Variants in GTF2E1 observed in about 807,000 individuals in gnomAD.
GTF2E1 encodes the protein TFIIE alpha subunit.
GTF2E1 carries 14 observed loss-of-function variants against 34.9 expected under a neutral mutation model. That is an observed-to-expected ratio of 0.40 (90% confidence interval 0.27 to 0.63). The LOEUF is 0.63. GTF2E1 is among the 20% of genes least tolerant of loss of function. The pLI is 0.39. For missense variants in GTF2E1, 469 were observed against 557.7 expected (o/e 0.84, Z 1.60); for synonymous variants, 188 against 192.9 (o/e 0.97, Z 0.21).
At position 120,754,318 on chromosome 3, in the gene GTF2E1, CA is replaced by C. The variant is rs1413254419; in HGVS notation, c.448+3319del. Among the ~76,000 whole-genome samples, 7 of 152,208 alleles carry C rather than the reference CA, an allele frequency of 4.6e-5. No homozygotes were observed. In the South Asian group the frequency reaches 1.4e-3, roughly 32 times the overall value. On this transcript the variant is annotated intron_variant, in intron 2 of 4. Coordinates refer to ENST00000283875, the MANE Select transcript of GTF2E1 (RefSeq NM_005513.3). ...GAGACAAATTTGAAGAGAAAAAAAT[CA>C]CCCACAAAGCCACCAGCCTTTTACG... is the stretch of plus-strand genomic sequence containing the variant.
intron 4 of GTF2E1, 37 bp downstream of exon 4, chr3:120,776,701 G>A: frequency 6.3e-7 from 1 of 1,578,800 alleles, no homozygotes; most frequent in Non-Finnish European, 8.6e-7. Flanking sequence ...TGTGTCTTAG[G>A]TTCTGTAGAA....
intron 3 of GTF2E1, 150 bp downstream of exon 3, chr3:120,771,079 G>T (rs2877413): frequency 0.29 from 201,927 of 692,266 alleles, 31,932 homozygotes; most frequent in Non-Finnish European, 0.33. Flanking sequence ...ACATTTGTCT[G>T]ATTAACGTGT....
chr3:120,748,604 G>A (rs931554152), intron 1 of GTF2E1, among the ~76,000 whole-genome samples: 2 of 152,098 alleles, frequency 1.3e-5, no homozygotes, highest in Non-Finnish European at 2.9e-5. Flanking sequence ...TGTTCCATTG[G>A]TCTATATCTC....
At position 120,750,631 on chromosome 3, in the gene GTF2E1, G is replaced by T; in HGVS notation, c.79G>T (p.Gly27Cys). ...LAKYVIRGFY[G>C]IEHALALDIL... ...CAAGTATGTGATCCGGGGATTTTAT[G>T]GCATTGAGCATGCCTTGGCCTTGGA... is the stretch of plus-strand genomic sequence containing the variant. Residue 27 changes from glycine (G) to cysteine (C), a missense_variant, in exon 2 of 5, where the codon GGC (glycine) becomes TGC (cysteine). Transcript: ENST00000283875. 4 of 1,613,976 alleles carry T rather than the reference G, an allele frequency of 2.5e-6. No homozygotes were observed. Among genetic ancestry groups the T allele is most frequent in the Non-Finnish European group, 3.4e-6 (4 of 1,179,930 alleles).
rs1406274293 is a variant in GTF2E1 at position 120,756,988 on chromosome 3, G to T, written c.448+5988G>T. ...ATCTTTTTTGTATTTTGATGCCAGT[G>T]ACATAAAAGCTAATTTATTTGCTTA... On this transcript the variant is annotated intron_variant, in intron 2 of 4. Transcript: ENST00000283875. Among the ~76,000 whole-genome samples, 5 of 152,068 alleles carry T rather than the reference G, an allele frequency of 3.3e-5. No individual in the cohort carries two copies. In the South Asian group the frequency reaches 6.2e-4, roughly 19 times the overall value.
chr3:120,779,886 C>A (rs555203101), intron 4 of GTF2E1, among the ~76,000 whole-genome samples: 18 of 152,264 alleles, frequency 1.2e-4, no homozygotes, highest in Admixed American at 1.0e-3. Flanking sequence ...AGGTTCCAAA[C>A]AATACTTTTA....
chr3:120,754,817 G>A (rs1370209575), intron 2 of GTF2E1, among the ~76,000 whole-genome samples: 1 of 151,972 alleles, frequency 6.6e-6, no homozygotes, highest in African/African-American at 2.4e-5. Context: ...TCTTATAAAT[G>A]TATATTTAAT....
chr3:120,761,716 T>C (rs959592749), intron 2 of GTF2E1, among the ~76,000 whole-genome samples: 16 of 152,264 alleles, frequency 1.1e-4, no homozygotes, highest in Non-Finnish European at 1.8e-4. Context: ...TCAGTTTCCA[T>C]GTAGTTGTGC....
chr3:120,751,539 A>G (rs1399664065), intron 2 of GTF2E1, among the ~76,000 whole-genome samples: 1 of 152,188 alleles, frequency 6.6e-6, no homozygotes, highest in Non-Finnish European at 1.5e-5. Flanking sequence ...TTAGATACAC[A>G]TTATTGTTGG....
At chr3:120,761,956 A>G (rs1317912671) in intron 2 of GTF2E1, among the ~76,000 whole-genome samples, 2 of 151,830 alleles carry the variant, frequency 1.3e-5, no homozygotes, top group African/African-American at 4.8e-5. Flanking sequence ...ACGCCCGGCT[A>G]ATTTTTTGTA....
Position 120,742,777 on chromosome 3 carries a change from G to A in GTF2E1, c.-48G>A. On this transcript the variant is annotated 5_prime_UTR_variant, in exon 1 of 5. Transcript: ENST00000283875. ...CGCTGGGGGCAGCTGTAGTGGGAGT[G>A]TTCCAGGATTCGCCTTGGTAAACCT... The A allele has an allele frequency of 3.9e-6, 2 of 516,316 alleles. No individual in the cohort carries two copies. Among genetic ancestry groups the A allele is most frequent in the East Asian group, 3.5e-5 (1 of 28,396 alleles). The allele number at this position is 516,316 out of a possible 1,614,324, so 32.0% of individuals were successfully genotyped here.
rs376614280 is a variant in GTF2E1 at position 120,767,018 on chromosome 3, A to AT, written c.449-3704dup. ...ATGTCAAATTTCTTACTTTTCTTGC[A>AT]TTTTTTAGGGTCCCAGAAGAAAAAT... On this transcript the variant is annotated intron_variant, in intron 2 of 4. Coordinates refer to ENST00000283875, the MANE Select transcript of GTF2E1 (RefSeq NM_005513.3). Among the ~76,000 whole-genome samples, 121 of 152,024 alleles carry AT rather than the reference A, an allele frequency of 8.0e-4. 1 individual carries two copies. Among genetic ancestry groups the AT allele is most frequent in the African/African-American group, 2.8e-3 (117 of 41,372 alleles).
In GTF2E1 at chr3:120,742,791, C is replaced by T. The variant is rs762166424; in HGVS notation, c.-34C>T. ...GTAGTGGGAGTGTTCCAGGATTCGC[C>T]TTGGTAAACCTTGTTCCCTGTTCCT... On this transcript the variant is annotated 5_prime_UTR_variant, in exon 1 of 5. Coordinates refer to ENST00000283875, the MANE Select transcript of GTF2E1 (RefSeq NM_005513.3). 4.1e-6 allele frequency: 2 copies of T among 486,770 alleles called. No individual in the cohort carries two copies. The highest frequency in any genetic ancestry group is 3.9e-5 in the East Asian group (1 of 25,336). 30.2% of individuals were successfully genotyped at this position (486,770 alleles called of 1,614,324 possible).
chr3:120,778,340 A>G (rs1709418420), intron 4 of GTF2E1, among the ~76,000 whole-genome samples: 1 of 152,228 alleles, frequency 6.6e-6, no homozygotes, highest in Non-Finnish European at 1.5e-5. Context: ...GTATGTTGTC[A>G]TGTCTGAATT....
chr3:120,756,260 T>C (rs1340890541), intron 2 of GTF2E1, among the ~76,000 whole-genome samples: 1 of 152,224 alleles, frequency 6.6e-6, no homozygotes, highest in Non-Finnish European at 1.5e-5. Flanking sequence ...CTCCACGTTC[T>C]TGCCAGCATT....
intron 4 of GTF2E1, among the ~76,000 whole-genome samples, chr3:120,780,609 C>A (rs1279220697): frequency 2.0e-5 from 3 of 150,614 alleles, no homozygotes; most frequent in Non-Finnish European, 2.9e-5. Context: ...TTGGCTTTTA[C>A]CTTGAGTGAG....
At chr3:120,768,128 A>G (rs1308746505) in intron 2 of GTF2E1, among the ~76,000 whole-genome samples, 1 of 151,754 alleles carries the variant, frequency 6.6e-6, no homozygotes, top group Non-Finnish European at 1.5e-5. Flanking sequence ...TAAATTAGAT[A>G]AATAATAAAA....
intron 3 of GTF2E1, among the ~76,000 whole-genome samples, chr3:120,772,028 C>T (rs931466978): frequency 1.3e-5 from 2 of 152,176 alleles, no homozygotes; most frequent in Non-Finnish European, 2.9e-5. Context: ...TCTTTATACT[C>T]TGCTGAACTC....
At chr3:120,775,079 C>T (rs1209582756) in intron 3 of GTF2E1, among the ~76,000 whole-genome samples, 1 of 152,088 alleles carries the variant, frequency 6.6e-6, no homozygotes, top group Non-Finnish European at 1.5e-5. Flanking sequence ...TAATCAGATA[C>T]ACGGACACAG....
Sources: gnomAD v4.1 joint callset for allele counts (sites outside exome capture counted in the v4.1 genomes callset) on GRCh38, gnomAD v4.1.1 for gene constraint, MANE v1.5 for transcripts, NCBI Gene and HGNC (gene_info 2026-07-23, HGNC 2026-07-21) for gene names.